NEK9: variants seen among roughly 807,000 people sequenced by gnomAD.
NEK9 encodes NIMA related kinase 9.
In NEK9, 75 loss-of-function variants were observed where a neutral mutation model predicts 123.4. That is an observed-to-expected ratio of 0.61 (90% CI 0.50 to 0.74). The LOEUF (loss-of-function observed/expected upper bound fraction) is 0.74, where lower values mean the gene tolerates loss of function less well. Among genes scored for constraint, NEK9 ranks in the 30% least tolerant of loss-of-function variants. NEK9 has a pLI of 0.00. For missense variants in NEK9, 952 were observed against 1,214.4 expected, an observed-to-expected ratio of 0.78 and a Z score of 3.21; for synonymous variants, 438 against 458.7, an observed-to-expected ratio of 0.95 and a Z score of 0.58.
rs367620839 is a variant in NEK9, at chr14:75,109,857, G to A, written c.1010C>T (p.Ala337Val). 20 of 1,612,054 alleles carry A rather than the reference G, an allele frequency of 1.2e-5. No homozygotes were observed. In the African/African-American group the frequency reaches 2.5e-4, roughly 20 times the overall value. Reference protein sequence around the residue: ...KRPRSSTVTEAPIAVVTSRTS... With the variant: ...KRPRSSTVTEVPIAVVTSRTS... ...TCGTGATGTTACTACAGCAATGGGT[G>A]CTTCAGTCACAGTGCTTGACCTGCC... Residue 337 changes from alanine (A) to valine (V), a missense_variant, in exon 10 of 22, where the codon GCA (alanine) becomes GTA (valine). Ala to Val is a moderately conservative substitution (Grantham distance 64). Transcript: ENST00000238616.
intron 2 of NEK9, among the ~76,000 whole-genome samples, chr14:75,121,772 G>A (rs1895344167): frequency 6.6e-6 from 1 of 152,162 alleles, no homozygotes; most frequent in Admixed American, 6.5e-5. Flanking sequence ...GGTCGCCTGA[G>A]CGTGGGAGGA....
intron 2 of NEK9, among the ~76,000 whole-genome samples, chr14:75,121,764 T>C (rs1416511413): frequency 1.3e-5 from 2 of 151,990 alleles, no homozygotes; most frequent in Admixed American, 6.6e-5. Context: ...GGTGGGAGGG[T>C]CGCCTGAGCG....
rs908524879 is a variant in NEK9 at position 75,109,737 on chromosome 14, C to G, written c.1130G>C (p.Gly377Ala). The G allele has an allele frequency of 2.5e-5, 40 of 1,613,964 alleles. No homozygotes were observed. The highest frequency in any genetic ancestry group is 3.3e-5 in the Non-Finnish European group (39 of 1,180,006). ...TGTGACCACAGCAAAGTGGGTATTC[C>G]CTGCACAGACCTGCCGGGCACTACA... ...SGCSARQVCA[G>A]NTHFAVVTVE... The change falls in exon 10 of 22, where the codon GGG (glycine) becomes GCG (alanine). Residue 377 changes from glycine (G) to alanine (A), a missense_variant. Physicochemically the swap from Gly to Ala is moderately conservative, Grantham distance 60. Around this residue, in one of 4 missense-constraint regions of NEK9, gnomAD observed 698 missense variants for 875.6 expected, o/e 0.80. Coordinates refer to ENST00000238616, the MANE Select transcript of NEK9 (RefSeq NM_033116.6).
intron 10 of NEK9, among the ~76,000 whole-genome samples, chr14:75,109,188 T>C (rs1160803307): frequency 1.3e-5 from 2 of 152,136 alleles, no homozygotes; most frequent in Non-Finnish European, 2.9e-5. Flanking sequence ...ACAGACAATT[T>C]GTTAAGGAAG....
At chr14:75,095,823 G>A (rs1310049076) in intron 17 of NEK9, among the ~76,000 whole-genome samples, 5 of 152,086 alleles carry the variant, frequency 3.3e-5, no homozygotes, top group South Asian at 2.1e-4. Flanking sequence ...CTGGGAGAGC[G>A]AAACTACAGT....
chr14:75,084,799 A>T, intron 21 of NEK9, 113 bp from the exon 22 acceptor site: 1 of 1,368,546 alleles, frequency 7.3e-7, no homozygotes, highest in Non-Finnish European at 1.0e-6. Flanking sequence ...GGCGTGGCTA[A>T]GGATTTGTAG....
chr14:75,115,964 T>C (rs1460598364), intron 6 of NEK9, among the ~76,000 whole-genome samples: 1 of 152,242 alleles, frequency 6.6e-6, no homozygotes, highest in Non-Finnish European at 1.5e-5. Context: ...ATTTTTTTCC[T>C]AGTTAATGAA....
At chr14:75,105,114 G>A (rs1419758350) in intron 13 of NEK9, among the ~76,000 whole-genome samples, 1 of 152,156 alleles carries the variant, frequency 6.6e-6, no homozygotes, top group African/African-American at 2.4e-5. Context: ...GACTGGAGAA[G>A]GTGGGGTGAT....
At chr14:75,121,310 T>C (rs1895325601) in intron 2 of NEK9, 136 bp from the exon 3 acceptor site, 10 of 606,468 alleles carry the variant, frequency 1.6e-5, no homozygotes, top group Middle Eastern at 4.3e-4. Flanking sequence ...CTTTTGACTT[T>C]TCACATGGGC....
intron 18 of NEK9, among the ~76,000 whole-genome samples, chr14:75,093,771 A>G (rs765528003): frequency 6.6e-6 from 1 of 152,116 alleles, no homozygotes; most frequent in Non-Finnish European, 1.5e-5. Context: ...ACTTGTTTCT[A>G]AACTTTATAA....
Position 75,103,970 on chromosome 14 carries a change from CAAT to C in NEK9, c.1600_1602del (p.Ile534del), listed in dbSNP as rs1197532027. 1.5e-5 allele frequency: 24 copies of C among 1,613,662 alleles called. No individual in the cohort carries two copies. Among genetic ancestry groups the C allele is most frequent in the Non-Finnish European group, 1.9e-5 (23 of 1,179,896 alleles). ...CCATCACAGCCACATTGAACTGCAACAATAATCAAGGCCTTGGGAACATCCACC... is the reference window on the plus strand; with the variant it reads ...CCATCACAGCCACATTGAACTGCAACAATCAAGGCCTTGGGAACATCCACC... On this transcript the variant is annotated inframe_deletion, in exon 14 of 22. Coordinates refer to ENST00000238616, the MANE Select transcript of NEK9 (RefSeq NM_033116.6).
rs61746426 is a variant in NEK9 at position 75,095,373 on chromosome 14, A to G, written c.2232T>C (p.Thr744=). Residue 744 remains threonine (T), a splice_region_variant and synonymous_variant, in exon 18 of 22, where the codon ACT becomes ACC. Coordinates refer to ENST00000238616, the MANE Select transcript of NEK9 (RefSeq NM_033116.6). ...RSNSSGLSIG[T]VFQSSSPGGG... ...GGTACCTGAAACATTGGTACTTACC[A>G]GTTCCAATGGATAAGCCACTGCTAT... 574 of 1,610,814 alleles carry G rather than the reference A, an allele frequency of 3.6e-4. 3 individuals are homozygous for G. The African/African-American group carries it at 5.4e-3, about 15-fold the overall frequency.
chr14:75,108,515 G>A (rs756908301), intron 10 of NEK9, among the ~76,000 whole-genome samples: 13 of 1,498 alleles, frequency 8.7e-3, no homozygotes, highest in Non-Finnish European at 0.03. Flanking sequence ...GTGCGTGTGC[G>A]TGTGTGTGTG....
At chr14:75,105,820 G>A in intron 13 of NEK9, 130 bp downstream of exon 13, 1 of 693,336 alleles carries the variant, frequency 1.4e-6, no homozygotes, top group Non-Finnish European at 2.5e-6. Flanking sequence ...ATCCTAAATT[G>A]TCAGTCTCCC....
chr14:75,108,984 G>A lies in NEK9; in HGVS notation c.1182+701C>T, dbSNP rs538211615. ...GCAAGTAAAGACAAAGCTTCAAGAA[G>A]GAGGGAGTGGTCAACTATGTCAAAT... is the stretch of plus-strand genomic sequence containing the variant. On this transcript the variant is annotated intron_variant, in intron 10 of 21. Transcript: ENST00000238616. Among the ~76,000 whole-genome samples, 5 of 152,320 alleles carry A rather than the reference G, an allele frequency of 3.3e-5. No homozygotes were observed. In the East Asian group the frequency reaches 7.7e-4, roughly 23 times the overall value.
chr14:75,108,414 C>T (rs1001560674), intron 10 of NEK9, among the ~76,000 whole-genome samples: 1 of 151,828 alleles, frequency 6.6e-6, no homozygotes, highest in African/African-American at 2.4e-5. Context: ...GTGTAAGCCA[C>T]CATGTCTGGC....
chr14:75,084,991 T>C (rs1594818556), intron 21 of NEK9: 9 of 299,546 alleles, frequency 3.0e-5, no homozygotes, highest in African/African-American at 4.3e-5. Flanking sequence ...CTGCTATAGC[T>C]GCCAATCTTA....
chr14:75,082,050 G>A lies in NEK9; in HGVS notation c.*2514C>T, dbSNP rs1459684422. 6.6e-6 allele frequency: 1 copy of A among 152,152 alleles called. No homozygotes were observed. Among genetic ancestry groups the A allele is most frequent in the Non-Finnish European group, 1.5e-5 (1 of 68,036 alleles). The allele number at this position is 152,152 out of a possible 1,614,324, so 9.4% of individuals were successfully genotyped here. A position where few individuals can be genotyped will look rare whatever the true frequency, so the allele number is the denominator to read the frequency against. On this transcript the variant is annotated 3_prime_UTR_variant, in exon 22 of 22. Transcript: ENST00000238616. ...ACTCACAGAATCAAAGATTCACGGAGGCTTAGAATCTGGATGTTTTATCCC... is the reference window on the plus strand; with the variant it reads ...ACTCACAGAATCAAAGATTCACGGAAGCTTAGAATCTGGATGTTTTATCCC...
chr14:75,110,018 G>GCT, intron 9 of NEK9, 141 bp from the exon 10 acceptor site: 2 of 887,628 alleles, frequency 2.3e-6, no homozygotes, highest in Non-Finnish European at 3.4e-6. Flanking sequence ...GTTTCAATGT[G>GCT]CTCTATCACA....
Sources: gnomAD v4.1 joint callset for allele counts (sites outside exome capture counted in the v4.1 genomes callset) on GRCh38, gnomAD v4.1.1 for gene constraint, gnomAD v4.1.1 regional missense constraint, MANE v1.5 for transcripts, NCBI Gene and HGNC (gene_info 2026-07-23, HGNC 2026-07-21) for gene names.